Variants in CADM2 observed in about 807,000 individuals in gnomAD.
The protein encoded by CADM2 is cell adhesion molecule 2, also known as immunoglobulin superfamily member 4D.
A neutral mutation model predicts 49.8 loss-of-function variants in CADM2; 12 were observed. The ratio of observed to expected loss-of-function variants is 0.24; its 90% CI spans 0.15 to 0.39. CADM2 has a LOEUF of 0.39. Among genes scored for constraint, CADM2 ranks in the 10% least tolerant of loss-of-function variants. CADM2 has a pLI of 1.00. For synonymous variants in CADM2, 214 were observed against 175.4 expected (o/e 1.22, Z -1.74); for missense variants, 378 against 492.3 (o/e 0.77, Z 2.20).
At chr3:85,251,413 C>G (rs565324909) in intron 1 of CADM2, among the ~76,000 whole-genome samples, 2 of 151,872 alleles carry the variant, frequency 1.3e-5, no homozygotes, top group Non-Finnish European at 1.5e-5. Flanking sequence ...TTAAATGTGT[C>G]ACATAGACAA....
At chr3:85,606,579 A>G (rs2063544677) in intron 1 of CADM2, among the ~76,000 whole-genome samples, 1 of 152,166 alleles carries the variant, frequency 6.6e-6, no homozygotes, top group Admixed American at 6.6e-5. Flanking sequence ...GTTGGGGCAA[A>G]GTGCCTTAAA....
At chr3:85,636,569 A>G (rs922623203) in intron 1 of CADM2, among the ~76,000 whole-genome samples, 2 of 152,188 alleles carry the variant, frequency 1.3e-5, no homozygotes, top group Non-Finnish European at 1.5e-5. Flanking sequence ...TACAGTGTTG[A>G]TCAAGTCTAC....
chr3:85,397,994 C>CTTTTT (rs1559819267), intron 1 of CADM2, among the ~76,000 whole-genome samples: 2 of 151,830 alleles, frequency 1.3e-5, no homozygotes, highest in African/African-American at 4.8e-5. Flanking sequence ...CATCCAGAAG[C>CTTTTT]CTTTTTCTTT....
intron 1 of CADM2, among the ~76,000 whole-genome samples, chr3:85,244,513 G>A (rs2042605530): frequency 6.6e-6 from 1 of 152,124 alleles, no homozygotes; most frequent in Non-Finnish European, 1.5e-5. Context: ...GAAAAGTAAT[G>A]TGAAAAACAG....
chr3:85,957,817 A>G lies in CADM2; in HGVS notation c.792-3652A>G, dbSNP rs554402046. On this transcript the variant is annotated intron_variant, in intron 7 of 9. Coordinates refer to ENST00000383699, the MANE Select transcript of CADM2 (RefSeq NM_001167675.2). ...CTTTGCTTATTTTCACTCATTAATTATAAAGAATATGACACAAAACTATCA... is the reference window on the plus strand; with the variant it reads ...CTTTGCTTATTTTCACTCATTAATTGTAAAGAATATGACACAAAACTATCA... 7.2e-5 allele frequency among the ~76,000 whole-genome samples: 11 copies of G among 151,984 alleles called. No homozygotes were observed. The South Asian group carries it at 2.3e-3, about 31-fold the overall frequency.
chr3:85,646,477 T>C (rs1412550757), intron 1 of CADM2, among the ~76,000 whole-genome samples: 2 of 151,982 alleles, frequency 1.3e-5, no homozygotes, highest in Non-Finnish European at 2.9e-5. Flanking sequence ...AGAACAAAAC[T>C]GTGAAACAGG....
chr3:85,960,342 A>G (rs954726149), intron 7 of CADM2, among the ~76,000 whole-genome samples: 1 of 151,920 alleles, frequency 6.6e-6, no homozygotes, highest in Non-Finnish European at 1.5e-5. Context: ...TAAATTCAAT[A>G]TTTCTATCAA....
intron 1 of CADM2, among the ~76,000 whole-genome samples, chr3:85,101,541 A>G (rs372252603): frequency 4.6e-5 from 7 of 152,282 alleles, no homozygotes; most frequent in African/African-American, 1.7e-4. Flanking sequence ...AACATGTTTC[A>G]CCTTAGGTGC....
intron 1 of CADM2, among the ~76,000 whole-genome samples, chr3:85,393,089 TA>T (rs781046665): frequency 3.0e-4 from 39 of 128,420 alleles, no homozygotes; most frequent in African/African-American, 8.0e-4. Flanking sequence ...GTAAACTCTT[TA>T]AAAAAAAAAA....
At chr3:86,032,072 T>C (rs1050579345) in intron 8 of CADM2, among the ~76,000 whole-genome samples, 4 of 151,778 alleles carry the variant, frequency 2.6e-5, no homozygotes, top group African/African-American at 9.7e-5. Flanking sequence ...CAATAAATAA[T>C]GATTTTTCCT....
intron 2 of CADM2, among the ~76,000 whole-genome samples, chr3:85,728,641 A>T (rs1489529058): frequency 6.6e-6 from 1 of 152,166 alleles, no homozygotes; most frequent in Non-Finnish European, 1.5e-5. Flanking sequence ...AAAAGTACTT[A>T]CCAGGGAACC....
chr3:86,039,180 G>A (rs1163048112), intron 8 of CADM2, among the ~76,000 whole-genome samples: 1 of 152,128 alleles, frequency 6.6e-6, no homozygotes, highest in Non-Finnish European at 1.5e-5. Flanking sequence ...TCCAACTGTG[G>A]TACTGGGTTC....
At chr3:86,050,184 G>A (rs942400211) in intron 8 of CADM2, among the ~76,000 whole-genome samples, 1 of 152,164 alleles carries the variant, frequency 6.6e-6, no homozygotes, top group Non-Finnish European at 1.5e-5. Context: ...AAAGAAAGGG[G>A]CTACAGGCCC....
chr3:85,384,785 C>T (rs2034122307), intron 1 of CADM2, among the ~76,000 whole-genome samples: 1 of 151,130 alleles, frequency 6.6e-6, no homozygotes, highest in African/African-American at 2.4e-5. Flanking sequence ...CTTTGATAAA[C>T]CTTTATAAAC....
chr3:85,484,689 A>G (rs1485635099), intron 1 of CADM2, among the ~76,000 whole-genome samples: 1 of 151,996 alleles, frequency 6.6e-6, no homozygotes, highest in Non-Finnish European at 1.5e-5. Context: ...AGACCCCAAC[A>G]GCATAAGGAC....
chr3:85,251,316 AATT>A (rs2042768509), intron 1 of CADM2, among the ~76,000 whole-genome samples: 1 of 151,876 alleles, frequency 6.6e-6, no homozygotes, highest in Non-Finnish European at 1.5e-5. Flanking sequence ...GGACCACCCA[AATT>A]ATTATGACAT....
rs112176384 is a variant in CADM2 at position 85,340,067 on chromosome 3, T to A, written c.61+380399T>A. Among the ~76,000 whole-genome samples, 204 of 151,552 alleles carry A rather than the reference T, an allele frequency of 1.3e-3. 2 individuals carry two copies. The highest frequency in any genetic ancestry group is 4.5e-3 in the African/African-American group (186 of 41,514). On this transcript the variant is annotated intron_variant, in intron 1 of 9. Coordinates refer to ENST00000383699, the MANE Select transcript of CADM2 (RefSeq NM_001167675.2). ...CTATGGAGAAGTAAAAATAACTGAA[T>A]ATATGAAAAGCATGTGAATATTTTT...
At chr3:85,799,370 C>A (rs1028963428) in intron 2 of CADM2, among the ~76,000 whole-genome samples, 1 of 152,104 alleles carries the variant, frequency 6.6e-6, no homozygotes, top group Admixed American at 6.6e-5. Flanking sequence ...GGAATGCTTC[C>A]AGCTTTTGCC....
At chr3:85,946,552 C>T (rs1377304213) in intron 7 of CADM2, among the ~76,000 whole-genome samples, 1 of 151,890 alleles carries the variant, frequency 6.6e-6, no homozygotes, top group African/African-American at 2.4e-5. Flanking sequence ...ACCAAAACAG[C>T]ATGGTACTGG....
Sources: allele counts gnomAD v4.1 joint callset (sites outside exome capture counted in the v4.1 genomes callset), GRCh38; gene constraint gnomAD v4.1.1; transcripts MANE v1.5; gene names NCBI Gene and HGNC (gene_info 2026-07-23, HGNC 2026-07-21).